Variants in CCDC68 observed in about 807,000 individuals in gnomAD.
The protein encoded by CCDC68 is coiled-coil domain containing 68.
Under a neutral mutation model 47.1 loss-of-function variants are expected in CCDC68, and 45 were observed. The observed-to-expected ratio is 0.96, with a 90% CI of 0.75 to 1.23. The LOEUF is 1.23. CCDC68 is among the 50% of genes most tolerant of loss of function. The pLI, the probability that CCDC68 is intolerant of heterozygous loss-of-function variation, is 0.00. For missense variants in CCDC68, 353 were observed against 373.6 expected, an observed-to-expected ratio of 0.94 and a Z score of 0.45; for synonymous variants, 131 against 129.5, an observed-to-expected ratio of 1.01 and a Z score of -0.08.
At chr18:54,948,880 T>A (rs2044569256) in intron 1 of CCDC68, among the ~76,000 whole-genome samples, 1 of 152,104 alleles carries the variant, frequency 6.6e-6, no homozygotes, top group African/African-American at 2.4e-5. Context: ...GAGCAAAAGA[T>A]GAAGAAAATC....
intron 4 of CCDC68, among the ~76,000 whole-genome samples, chr18:54,939,616 G>A (rs1212147343): frequency 1.3e-5 from 2 of 152,056 alleles, no homozygotes; most frequent in Non-Finnish European, 2.9e-5. Context: ...GGTGGCTGAG[G>A]CAGACACATG....
At chr18:54,910,291 T>C (rs1914281548) in intron 10 of CCDC68, among the ~76,000 whole-genome samples, 2 of 151,952 alleles carry the variant, frequency 1.3e-5, no homozygotes, top group Admixed American at 1.3e-4. Flanking sequence ...AGCCCTAGAG[T>C]GGGTGGCTCC....
chr18:54,931,873 G>C lies in CCDC68; in HGVS notation c.600+2947C>G, dbSNP rs373302630. Among the ~76,000 whole-genome samples, 261 of 152,250 alleles carry C rather than the reference G, an allele frequency of 1.7e-3. 1 individual carries two copies. The South Asian group carries it at 0.024, about 14-fold the overall frequency. Reference sequence around the variant, plus strand: ...ACTACTAATGGCTATTTACTGGAGCGGTGGATTGTTCAAGTGAGTAGCAAG... The same window carrying C: ...ACTACTAATGGCTATTTACTGGAGCCGTGGATTGTTCAAGTGAGTAGCAAG... On this transcript the variant is annotated intron_variant, in intron 7 of 11. Coordinates refer to ENST00000591504, the MANE Select transcript of CCDC68 (RefSeq NM_025214.3).
chr18:54,937,052 T>C (rs2044362186), intron 5 of CCDC68, 94 bp from the exon 6 acceptor site: 1 of 1,176,422 alleles, frequency 8.5e-7, no homozygotes, highest in African/African-American at 1.5e-5. Flanking sequence ...ACCAAAGGTA[T>C]AACTATACCA....
intron 2 of CCDC68, among the ~76,000 whole-genome samples, chr18:54,944,107 T>C (rs1295670058): frequency 6.6e-6 from 1 of 152,110 alleles, no homozygotes; most frequent in Non-Finnish European, 1.5e-5. Context: ...TTTATTTTCC[T>C]TTAAATAATA....
chr18:54,947,064 C>A (rs1355943126), intron 1 of CCDC68, among the ~76,000 whole-genome samples: 1 of 152,048 alleles, frequency 6.6e-6, no homozygotes, highest in Non-Finnish European at 1.5e-5. Context: ...ATAAAGAAAC[C>A]CAAGGGGAAC....
In CCDC68 at chr18:54,939,979, G is replaced by A. The variant is rs998419718; in HGVS notation, c.204+1018C>T. The stretch of plus-strand genomic sequence containing the variant: ...TGCAGCATCTTGGCTCTACCCTAGA[G>A]CCCTGAAATCTCCTTCTTTTCCTCC... On this transcript the variant is annotated intron_variant, in intron 4 of 11. Transcript: ENST00000591504. Among the ~76,000 whole-genome samples, 3 of 152,080 alleles carry A rather than the reference G, an allele frequency of 2.0e-5. No individual in the cohort carries two copies. In the South Asian group the frequency reaches 6.2e-4, roughly 32 times the overall value.
intron 6 of CCDC68, among the ~76,000 whole-genome samples, chr18:54,936,579 T>A (rs1244586353): frequency 6.6e-6 from 1 of 152,106 alleles, no homozygotes; most frequent in Non-Finnish European, 1.5e-5. Context: ...AGGGTGGCAC[T>A]GCCTCCCTCC....
Position 54,950,897 on chromosome 18 carries a change from CTTTTTTT to C in CCDC68, c.-102-5427_-102-5421del, listed in dbSNP as rs869026740. Among the ~76,000 whole-genome samples, 483 of 61,856 alleles carry C rather than the reference CTTTTTTT, an allele frequency of 7.8e-3. 3 individuals carry two copies. Among genetic ancestry groups the C allele is most frequent in the Admixed American group, 0.017 (61 of 3,576 alleles). The allele number at this position is 61,856 out of a possible 152,430, so 40.6% of individuals were successfully genotyped here. A position where few individuals can be genotyped will look rare whatever the true frequency, so the allele number is the denominator to read the frequency against. ...TTAGGTTGACCCCAAATTCAGATGTCTTTTTTTTTTTTTTTTTTTTTTTTTTTTTGAG... is the reference window on the plus strand; with the variant it reads ...TTAGGTTGACCCCAAATTCAGATGTCTTTTTTTTTTTTTTTTTTTTTTGAG... On this transcript the variant is annotated intron_variant, in intron 1 of 11. Transcript: ENST00000591504.
intron 8 of CCDC68, among the ~76,000 whole-genome samples, chr18:54,920,173 C>T (rs1014887288): frequency 6.6e-6 from 1 of 151,994 alleles, no homozygotes; most frequent in African/African-American, 2.4e-5. Context: ...ATTGTGACCT[C>T]GGAGAAGTCA....
At chr18:54,952,383 TG>T (rs758811813) in intron 1 of CCDC68, among the ~76,000 whole-genome samples, 117 of 152,360 alleles carry the variant, frequency 7.7e-4, no homozygotes, top group Admixed American at 4.1e-3. Flanking sequence ...GAGCTTGTCC[TG>T]GATTATTTTA....
chr18:54,921,860 C>T (rs937678633), intron 8 of CCDC68, among the ~76,000 whole-genome samples: 1 of 152,156 alleles, frequency 6.6e-6, no homozygotes. Flanking sequence ...ATTTTATCTG[C>T]TTTTTATAAC....
chr18:54,932,253 C>T lies in CCDC68; in HGVS notation c.600+2567G>A, dbSNP rs567308481. Among the ~76,000 whole-genome samples, 4 of 150,700 alleles carry T rather than the reference C, an allele frequency of 2.7e-5. No homozygotes were observed. In the South Asian group the frequency reaches 6.3e-4, roughly 24 times the overall value. On this transcript the variant is annotated intron_variant, in intron 7 of 11. Coordinates refer to ENST00000591504, the MANE Select transcript of CCDC68 (RefSeq NM_025214.3). ...AGGCTGAAGTGCAGTGGCGTCATCT[C>T]GGCTCACTGCAGCCTCCACCTCCCA...
chr18:54,905,801 G>C (rs1242768868), intron 11 of CCDC68, among the ~76,000 whole-genome samples: 3 of 152,132 alleles, frequency 2.0e-5, no homozygotes, highest in East Asian at 1.9e-4. Flanking sequence ...GTGGGCAAGA[G>C]GGCGAAGCTT....
chr18:54,920,015 A>G (rs532334670), intron 8 of CCDC68, among the ~76,000 whole-genome samples: 2 of 152,180 alleles, frequency 1.3e-5, no homozygotes, highest in Non-Finnish European at 1.5e-5. Flanking sequence ...AAAAAAAGTC[A>G]ATTTTGAATT....
At chr18:54,942,571 C>T (rs1485987974) in intron 3 of CCDC68, 104 bp downstream of exon 3, 2 of 671,336 alleles carry the variant, frequency 3.0e-6, no homozygotes, top group Non-Finnish European at 2.6e-6. Context: ...TAGGGTTGTT[C>T]CTTTACATAT....
intron 10 of CCDC68, among the ~76,000 whole-genome samples, chr18:54,917,665 T>C (rs2043978072): frequency 6.6e-6 from 1 of 152,020 alleles, no homozygotes; most frequent in African/African-American, 2.4e-5. Context: ...AAAATGACAC[T>C]TGCATACACA....
At chr18:54,914,178 G>C (rs951077333) in intron 10 of CCDC68, among the ~76,000 whole-genome samples, 4 of 152,210 alleles carry the variant, frequency 2.6e-5, no homozygotes, top group African/African-American at 9.7e-5. Flanking sequence ...ATATGGCTTG[G>C]ACTTTTTAAA....
At chr18:54,953,683 A>T (rs994319936) in intron 1 of CCDC68, among the ~76,000 whole-genome samples, 6 of 152,174 alleles carry the variant, frequency 3.9e-5, no homozygotes, top group African/African-American at 7.2e-5. Context: ...TGACAGAAAC[A>T]AGGAAAGCCT....
Sources: allele counts gnomAD v4.1 joint callset (sites outside exome capture counted in the v4.1 genomes callset), GRCh38; gene constraint gnomAD v4.1.1; transcripts MANE v1.5; gene names NCBI Gene and HGNC (gene_info 2026-07-23, HGNC 2026-07-21).